ATP9B: variants seen among roughly 807,000 people sequenced by gnomAD.
The protein encoded by ATP9B is probable phospholipid-transporting ATPase IIB.
Under a neutral mutation model 146.1 loss-of-function variants are expected in ATP9B, and 110 were observed. The observed-to-expected ratio is 0.75, with a 90% CI of 0.65 to 0.88. ATP9B has a LOEUF of 0.88. Ranked by LOEUF, ATP9B falls within the 40% of genes least tolerant of loss-of-function variation. The probability of loss-of-function intolerance (pLI) is 0.00; values close to 1 mark genes in which losing one functional copy is unlikely to be tolerated. For synonymous variants in ATP9B, 604 were observed against 569.7 expected (o/e 1.06, Z -0.86); for missense variants, 1,499 against 1,496.4 (o/e 1.00, Z -0.03).
chr18:79,248,009 A>T (rs910687413), intron 11 of ATP9B, among the ~76,000 whole-genome samples: 4 of 152,166 alleles, frequency 2.6e-5, no homozygotes, highest in Non-Finnish European at 5.9e-5. Flanking sequence ...TGTTGTGCTG[A>T]TACTTATTTA....
chr18:79,222,973 T>C (rs2095695150), intron 11 of ATP9B, among the ~76,000 whole-genome samples: 1 of 152,212 alleles, frequency 6.6e-6, no homozygotes, highest in South Asian at 2.1e-4. Context: ...CCATTCATAA[T>C]AATCAGTTAC....
chr18:79,331,289 G>T (rs2096788950), intron 17 of ATP9B, among the ~76,000 whole-genome samples: 1 of 152,152 alleles, frequency 6.6e-6, no homozygotes, highest in Non-Finnish European at 1.5e-5. Flanking sequence ...CTTCGGGGTG[G>T]TTTGATTTAA....
At chr18:79,191,558 G>A (rs569982082) in intron 8 of ATP9B, among the ~76,000 whole-genome samples, 55 of 152,022 alleles carry the variant, frequency 3.6e-4, no homozygotes, top group African/African-American at 5.6e-4. Context: ...CTCTTGACCC[G>A]CATTTAGATT....
intron 2 of ATP9B, among the ~76,000 whole-genome samples, chr18:79,102,182 C>T (rs1412013380): frequency 1.3e-5 from 2 of 152,056 alleles, no homozygotes; most frequent in African/African-American, 2.4e-5. Context: ...TCTTTCCATC[C>T]GTTGAGATTC....
intron 12 of ATP9B, among the ~76,000 whole-genome samples, chr18:79,255,800 G>A (rs2096071775): frequency 2.0e-5 from 3 of 152,190 alleles, no homozygotes; most frequent in Admixed American, 1.3e-4. Flanking sequence ...TTGAGAACCT[G>A]TCTCAAGGGT....
intron 11 of ATP9B, among the ~76,000 whole-genome samples, chr18:79,226,118 G>A (rs142669611): frequency 1.2e-4 from 18 of 152,332 alleles, no homozygotes; most frequent in African/African-American, 3.8e-4. Flanking sequence ...CCCAGTTCAC[G>A]ACAGTGGCCG....
rs2096882022 is a variant in ATP9B at position 79,345,630 on chromosome 18, T to C, written c.2617+58T>C. The C allele has an allele frequency of 3.8e-6, 6 of 1,597,266 alleles. No homozygotes were observed. The Admixed American group carries it at 1.0e-4, about 27-fold the overall frequency. ...CTCCAGAGAAACCCGTAGGCTGACA[T>C]TGATGGGCAAAGTTTGTTCCATCTC... On this transcript the variant is annotated intron_variant, in intron 22 of 29. Transcript: ENST00000426216.
intron 4 of ATP9B, among the ~76,000 whole-genome samples, chr18:79,114,183 C>T (rs2094022910): frequency 6.6e-6 from 1 of 152,176 alleles, no homozygotes; most frequent in African/African-American, 2.4e-5. Flanking sequence ...TGGTCTCGAA[C>T]TCCTCACCTC....
chr18:79,317,429 A>G (rs534715265), intron 15 of ATP9B, among the ~76,000 whole-genome samples: 36 of 152,342 alleles, frequency 2.4e-4, no homozygotes, highest in Middle Eastern at 3.4e-3. Flanking sequence ...CTGAATATAT[A>G]AAGAATTCTC....
intron 15 of ATP9B, among the ~76,000 whole-genome samples, chr18:79,314,659 T>C (rs1024067175): frequency 6.6e-6 from 1 of 152,234 alleles, no homozygotes; most frequent in African/African-American, 2.4e-5. Flanking sequence ...GTGATCAATA[T>C]TTCATTTTCT....
chr18:79,200,767 G>GAGGTGGGAACTGTCAT, intron 9 of ATP9B, among the ~76,000 whole-genome samples: 1 of 142,808 alleles, frequency 7.0e-6, no homozygotes, highest in Non-Finnish European at 1.6e-5. Context: ...GGGAACGTTG[G>GAGGTGGGAACTGTCAT]GGTCAGAGCA....
intron 20 of ATP9B, among the ~76,000 whole-genome samples, chr18:79,342,756 G>A (rs1375383672): frequency 2.0e-5 from 3 of 151,896 alleles, no homozygotes; most frequent in African/African-American, 7.3e-5. Context: ...TTTAAAAGAG[G>A]CATACTGCAA....
At chr18:79,118,390 GTTTTTTTTTTTTT>G (rs752788043) in intron 4 of ATP9B, among the ~76,000 whole-genome samples, 1,631 of 93,308 alleles carry the variant, frequency 0.017, 28 homozygotes, top group Middle Eastern at 0.13. Context: ...GAACGTTTTT[GTTTTTTTTTTTTT>G]TTTTTTTTTT....
At position 79,309,683 on chromosome 18, in the gene ATP9B, G is replaced by A. The variant is rs369873947; in HGVS notation, c.1773+2449G>A. ...CCCCAGCAGGTAGAAGGTCAGGGGC[G>A]GAGGAGTGATCCCCAGCAGGTAGAA... On this transcript the variant is annotated intron_variant, in intron 15 of 29. Coordinates refer to ENST00000426216, the MANE Select transcript of ATP9B (RefSeq NM_198531.5). Among the ~76,000 whole-genome samples the A allele has an allele frequency of 6.4e-4, 86 of 134,990 alleles. 2 individuals carry two copies. Among genetic ancestry groups the A allele is most frequent in the African/African-American group, 2.0e-3 (72 of 36,144 alleles). 88.6% of individuals were successfully genotyped at this position (134,990 alleles called of 152,430 possible). A position where few individuals can be genotyped will look rare whatever the true frequency, so the allele number is the denominator to read the frequency against.
At position 79,365,605 on chromosome 18, in the gene ATP9B, GC is replaced by G. The variant is rs756767876; in HGVS notation, c.3012+6146del. Among the ~76,000 whole-genome samples, 119 of 152,274 alleles carry G rather than the reference GC, an allele frequency of 7.8e-4. 1 individual carries two copies. The highest frequency in any genetic ancestry group is 6.3e-3 in the Middle Eastern group (2 of 316). On this transcript the variant is annotated intron_variant, in intron 26 of 29. Transcript: ENST00000426216. ...TGCCAGAAGCTGGAAACAACCTTGT[GC>G]CCTTCAGCCAGTGGGCAGAAGGATG...
At chr18:79,256,049 T>C (rs2096073834) in intron 12 of ATP9B, among the ~76,000 whole-genome samples, 1 of 152,016 alleles carries the variant, frequency 6.6e-6, no homozygotes, top group African/African-American at 2.4e-5. Flanking sequence ...AAATATTCCA[T>C]GTGTGCTTTA....
At chr18:79,303,561 G>A in intron 13 of ATP9B, 43 bp from the exon 14 acceptor site, 1 of 1,528,164 alleles carries the variant, frequency 6.5e-7, no homozygotes. Flanking sequence ...GTTCCCGCAG[G>A]CCTCCTGCAT....
intron 12 of ATP9B, among the ~76,000 whole-genome samples, chr18:79,271,301 A>G (rs1486489696): frequency 6.6e-6 from 1 of 152,050 alleles, no homozygotes; most frequent in Non-Finnish European, 1.5e-5. Context: ...GGTTTGTTAC[A>G]TATGTATACA....
chr18:79,184,447 T>C (rs2095284979), intron 8 of ATP9B, among the ~76,000 whole-genome samples: 1 of 152,144 alleles, frequency 6.6e-6, no homozygotes, highest in African/African-American at 2.4e-5. Context: ...ATCATTTCCC[T>C]CCTCAGCCCT....
Sources: allele counts gnomAD v4.1 joint callset (sites outside exome capture counted in the v4.1 genomes callset), GRCh38; gene constraint gnomAD v4.1.1; transcripts MANE v1.5; gene names NCBI Gene and HGNC (gene_info 2026-07-23, HGNC 2026-07-21).